CCDC134: variants seen among roughly 807,000 people sequenced by gnomAD.
The protein encoded by CCDC134 is coiled-coil domain containing 134.
CCDC134 carries 27 observed loss-of-function variants against 25.6 expected under a neutral mutation model. The ratio of observed to expected loss-of-function variants is 1.05; its 90% CI spans 0.78 to 1.45. The LOEUF is 1.45. Ranked by LOEUF, CCDC134 falls within the 40% of genes most tolerant of loss-of-function variation. The probability of loss-of-function intolerance (pLI) is 0.00; values close to 1 mark genes in which losing one functional copy is unlikely to be tolerated. For missense variants in CCDC134, 261 were observed against 286.7 expected, an observed-to-expected ratio of 0.91 and a Z score of 0.65; for synonymous variants, 110 against 115.0, an observed-to-expected ratio of 0.96 and a Z score of 0.28.
rs2076671758 is a variant in CCDC134, at chr22:41,825,381, G to A, written c.565-317G>A. On this transcript the variant is annotated intron_variant, in intron 6 of 6. Transcript: ENST00000255784. This position sits in a 1 kb window ranked among gnomAD's most constrained non-coding sequence, Gnocchi z 4.4. ...GGTGTGGGGCTCCCGGGTCTGTGGT[G>A]GTCTCAGCCACTCTACTCCCTCACC... Among the ~76,000 whole-genome samples, 1 of 151,982 alleles carries A rather than the reference G, an allele frequency of 6.6e-6. No individual in the cohort carries two copies. The highest frequency in any genetic ancestry group is 1.5e-5 in the Non-Finnish European group (1 of 67,992).
intron 6 of CCDC134, among the ~76,000 whole-genome samples, chr22:41,814,789 A>G (rs1389373128): frequency 6.6e-6 from 1 of 152,120 alleles, no homozygotes; most frequent in Non-Finnish European, 1.5e-5. Context: ...TAGGTCAGAG[A>G]CATTGGACTG....
Position 41,831,554 on chromosome 22 carries a change from C to G in CCDC134, c.*5731C>G, listed in dbSNP as rs191290472. On this transcript the variant is annotated 3_prime_UTR_variant, in exon 7 of 7. Coordinates refer to ENST00000255784, the MANE Select transcript of CCDC134 (RefSeq NM_024821.5). ...ACTTACTGTATGCCAAAGCTTATGC[C>G]GAGAGCTGGCTGCCAGCAGCTCCTC... 29 of 152,316 alleles carry G rather than the reference C, an allele frequency of 1.9e-4. No individual in the cohort carries two copies. The highest frequency in any genetic ancestry group is 6.5e-4 in the African/African-American group (27 of 41,572). 9.4% of individuals were successfully genotyped at this position (152,316 alleles called of 1,614,324 possible).
At position 41,825,331 on chromosome 22, in the gene CCDC134, T is replaced by G. The variant is rs994127150; in HGVS notation, c.565-367T>G. Reference sequence around the variant, plus strand: ...CATCTGTGACTCTGGCTGACCTCCCTCCTCTCCTCCTGAAGGGTGCAGCAG... The same window carrying G: ...CATCTGTGACTCTGGCTGACCTCCCGCCTCTCCTCCTGAAGGGTGCAGCAG... On this transcript the variant is annotated intron_variant, in intron 6 of 6. Coordinates refer to ENST00000255784, the MANE Select transcript of CCDC134 (RefSeq NM_024821.5). The surrounding 1 kb of genome is among the most constrained non-coding windows in gnomAD (Gnocchi z 4.4). 2.0e-5 allele frequency among the ~76,000 whole-genome samples: 3 copies of G among 151,366 alleles called. No individual in the cohort carries two copies. Among genetic ancestry groups the G allele is most frequent in the Non-Finnish European group, 4.4e-5 (3 of 67,812 alleles).
chr22:41,808,546 G>A (rs2076579014), intron 1 of CCDC134, among the ~76,000 whole-genome samples: 1 of 152,224 alleles, frequency 6.6e-6, no homozygotes, highest in African/African-American at 2.4e-5. Flanking sequence ...AGAAGGCTGA[G>A]GCTCAGAAAG....
At position 41,828,130 on chromosome 22, in the gene CCDC134, A is replaced by G. The variant is rs1245841728; in HGVS notation, c.*2307A>G. Among the ~76,000 whole-genome samples the G allele has an allele frequency of 6.6e-6, 1 of 152,164 alleles. No homozygotes were observed. The highest frequency in any genetic ancestry group is 2.4e-5 in the African/African-American group (1 of 41,422). ...CATTAGCAGGATTTGTATAATTTGA[A>G]GCAGAGCTGGGCAACTGCAGAGCAA... On this transcript the variant is annotated 3_prime_UTR_variant, in exon 7 of 7. Coordinates refer to ENST00000255784, the MANE Select transcript of CCDC134 (RefSeq NM_024821.5).
At chr22:41,805,268 T>TA (rs2076562558) in intron 1 of CCDC134, among the ~76,000 whole-genome samples, 1 of 151,774 alleles carries the variant, frequency 6.6e-6, no homozygotes, top group African/African-American at 2.4e-5. Context: ...CCATCTCTAC[T>TA]AAAAAATACA....
intron 1 of CCDC134, among the ~76,000 whole-genome samples, chr22:41,804,173 A>C (rs1180234469): frequency 1.3e-5 from 2 of 152,160 alleles, no homozygotes. Context: ...ATGATATGGA[A>C]TCTTGTTCCA....
chr22:41,821,293 C>T (rs1038850588), intron 6 of CCDC134, among the ~76,000 whole-genome samples: 1 of 151,684 alleles, frequency 6.6e-6, no homozygotes, highest in Non-Finnish European at 1.5e-5. Flanking sequence ...GTATAGACAG[C>T]CCTTTCGAAA....
At position 41,809,002 on chromosome 22, in the gene CCDC134, TG is replaced by T; in HGVS notation, c.103+13del. On this transcript the variant is annotated intron_variant, in intron 2 of 6. Transcript: ENST00000255784. ...CCCAAGCCTGGAGATCTGTATCCTT[TG>T]GGGTTGTAGTTAATGAGCTGTCTTT... The T allele has an allele frequency of 1.9e-6, 3 of 1,606,892 alleles. No individual in the cohort carries two copies. Among genetic ancestry groups the T allele is most frequent in the Non-Finnish European group, 2.6e-6 (3 of 1,174,152 alleles).
chr22:41,809,675 G>A (rs1432320903), intron 2 of CCDC134, among the ~76,000 whole-genome samples: 2 of 152,196 alleles, frequency 1.3e-5, no homozygotes, highest in East Asian at 3.8e-4. Flanking sequence ...AGGCTTCTGG[G>A]TGTGGAGCGC....
At position 41,810,231 on chromosome 22, in the gene CCDC134, C is replaced by T. The variant is rs558806801; in HGVS notation, c.250C>T (p.Leu84Phe). Residue 84 changes from leucine to phenylalanine, a missense_variant, in exon 4 of 7, where the codon CTC becomes TTC. Physicochemically the swap from Leu to Phe is conservative, Grantham distance 22 (BLOSUM62 0). Transcript: ENST00000255784. The part of the protein sequence containing the change: ...FKVLEDSRTV[L>F]TAADVLPDGP... Reference sequence around the variant, plus strand: ...GGTGCTGGAGGACTCCCGGACAGTGCTCACCGCTGCTGATGTGCTCCCAGA... The same window carrying T: ...GGTGCTGGAGGACTCCCGGACAGTGTTCACCGCTGCTGATGTGCTCCCAGA... The T allele has an allele frequency of 1.9e-6, 3 of 1,614,052 alleles. No individual in the cohort carries two copies. In the Admixed American group the frequency reaches 5.0e-5, roughly 27 times the overall value.
rs1392246598 is a variant in CCDC134, at chr22:41,822,516, C to T, written c.565-3182C>T. Among the ~76,000 whole-genome samples, 5 of 152,128 alleles carry T rather than the reference C, an allele frequency of 3.3e-5. No homozygotes were observed. The East Asian group carries it at 9.6e-4, about 29-fold the overall frequency. ...AATCAGGGGTGGCCAGGGAAGATTC[C>T]TGGGGAGACATCTAAAGATAGATTC... On this transcript the variant is annotated intron_variant, in intron 6 of 6. Transcript: ENST00000255784.
rs2076704217 is a variant in CCDC134, at chr22:41,830,933, T to G, written c.*5110T>G. Among the ~76,000 whole-genome samples, 1 of 146,430 alleles carries G rather than the reference T, an allele frequency of 6.8e-6. No individual in the cohort carries two copies. Among genetic ancestry groups the G allele is most frequent in the Non-Finnish European group, 1.5e-5 (1 of 67,330 alleles). On this transcript the variant is annotated 3_prime_UTR_variant, in exon 7 of 7. Coordinates refer to ENST00000255784, the MANE Select transcript of CCDC134 (RefSeq NM_024821.5). Reference sequence around the variant, plus strand: ...AGACGCAGTCTCCTGTTGCCCAGGCTGGAGTGCAATGGCGCGATCTCTGCT... The same window carrying G: ...AGACGCAGTCTCCTGTTGCCCAGGCGGGAGTGCAATGGCGCGATCTCTGCT...
At chr22:41,823,064 G>A (rs922648100) in intron 6 of CCDC134, among the ~76,000 whole-genome samples, 2 of 152,122 alleles carry the variant, frequency 1.3e-5, no homozygotes, top group Non-Finnish European at 2.9e-5. Flanking sequence ...CTGAGTTGTA[G>A]GCATAGTAAA....
At position 41,829,860 on chromosome 22, in the gene CCDC134, G is replaced by T. The variant is rs754331879; in HGVS notation, c.*4037G>T. Among the ~76,000 whole-genome samples, 1 of 151,582 alleles carries T rather than the reference G, an allele frequency of 6.6e-6. No homozygotes were observed. Among genetic ancestry groups the T allele is most frequent in the Admixed American group, 6.6e-5 (1 of 15,196 alleles). The stretch of plus-strand genomic sequence containing the variant: ...GCGATCTCGGCTCACTGCAACCCCC[G>T]CCTCCCGGGTTCAAGTGATTCTTCT... On this transcript the variant is annotated 3_prime_UTR_variant, in exon 7 of 7. Transcript: ENST00000255784.
chr22:41,807,055 C>G (rs1485110657), intron 1 of CCDC134, among the ~76,000 whole-genome samples: 2 of 151,732 alleles, frequency 1.3e-5, no homozygotes, highest in South Asian at 2.1e-4. Context: ...CTCAAAAAAA[C>G]AAAACAAAAC....
chr22:41,814,179 G>A (rs1055879008), intron 6 of CCDC134, among the ~76,000 whole-genome samples: 10 of 152,182 alleles, frequency 6.6e-5, no homozygotes, highest in African/African-American at 9.7e-5. Context: ...GCACCAACTG[G>A]GCTTCCATCC....
rs1241021736 is a variant in CCDC134, at chr22:41,825,605, A to G, written c.565-93A>G. The G allele has an allele frequency of 3.3e-6, 5 of 1,520,370 alleles. No homozygotes were observed. Among genetic ancestry groups the G allele is most frequent in the Non-Finnish European group, 3.6e-6 (4 of 1,115,960 alleles). The allele number at this position is 1,520,370 out of a possible 1,614,324, so 94.2% of individuals were successfully genotyped here. A position where few individuals can be genotyped will look rare whatever the true frequency, so the allele number is the denominator to read the frequency against. On this transcript the variant is annotated intron_variant, in intron 6 of 6. Transcript: ENST00000255784. This position sits in a 1 kb window ranked among gnomAD's most constrained non-coding sequence, Gnocchi z 4.4. ...CTGGGGCAGGGCCTGTGTCCAGGGA[A>G]CCTTCCTATTCCCACACCCCGCTGG...
chr22:41,815,091 G>A (rs531129549), intron 6 of CCDC134, among the ~76,000 whole-genome samples: 1 of 152,070 alleles, frequency 6.6e-6, no homozygotes, highest in African/African-American at 2.4e-5. Flanking sequence ...TCTTTGGTGT[G>A]CCCTGCAAGA....
Sources: gnomAD v4.1 joint callset for allele counts (sites outside exome capture counted in the v4.1 genomes callset) on GRCh38, gnomAD v4.1.1 for gene constraint, Gnocchi (gnomAD v3.1) non-coding constraint, MANE v1.5 for transcripts, NCBI Gene and HGNC (gene_info 2026-07-23, HGNC 2026-07-21) for gene names.